GALNT17: variants seen among roughly 807,000 people sequenced by gnomAD.
The protein encoded by GALNT17 is UDP-GalNAc:polypeptide N-acetylgalactosaminyltransferase-like 3.
In GALNT17, 29 loss-of-function variants were observed where a neutral mutation model predicts 63.7. That is an observed-to-expected ratio of 0.46 (90% CI 0.34 to 0.62). GALNT17 has a LOEUF of 0.62. GALNT17 is among the 20% of genes least tolerant of loss of function. GALNT17 has a pLI of 0.01. For missense variants in GALNT17, 603 were observed against 799.6 expected, an observed-to-expected ratio of 0.75 and a Z score of 2.97; for synonymous variants, 305 against 318.3, an observed-to-expected ratio of 0.96 and a Z score of 0.45.
intron 1 of GALNT17, among the ~76,000 whole-genome samples, chr7:71,185,228 C>A (rs1008718730): frequency 6.8e-6 from 1 of 147,384 alleles, no homozygotes; most frequent in Non-Finnish European, 1.5e-5. Context: ...TTTCTTCAGA[C>A]AGGGTCTCTC....
At chr7:71,249,132 A>G (rs1790152462) in intron 1 of GALNT17, among the ~76,000 whole-genome samples, 1 of 152,196 alleles carries the variant, frequency 6.6e-6, no homozygotes, top group Non-Finnish European at 1.5e-5. Context: ...TGGTGAGCAA[A>G]ACTCACAGCC....
At chr7:71,594,905 C>T (rs1041347179) in intron 6 of GALNT17, among the ~76,000 whole-genome samples, 3 of 152,170 alleles carry the variant, frequency 2.0e-5, no homozygotes, top group African/African-American at 7.2e-5. Flanking sequence ...TGCTTGTGGA[C>T]ATGACCTTAT....
At chr7:71,442,192 T>C (rs1787079249) in intron 5 of GALNT17, among the ~76,000 whole-genome samples, 2 of 147,622 alleles carry the variant, frequency 1.4e-5, no homozygotes, top group Admixed American at 1.3e-4. Context: ...TGCAGAAGTG[T>C]TTTTTTTGTT....
intron 1 of GALNT17, among the ~76,000 whole-genome samples, chr7:71,232,682 C>G (rs1238089510): frequency 6.6e-6 from 1 of 152,130 alleles, no homozygotes; most frequent in Non-Finnish European, 1.5e-5. Flanking sequence ...CAGGGCTGCC[C>G]CATAGGCAGT....
At chr7:71,562,749 G>A (rs1789276568) in intron 5 of GALNT17, among the ~76,000 whole-genome samples, 3 of 152,166 alleles carry the variant, frequency 2.0e-5, no homozygotes, top group Non-Finnish European at 2.9e-5. Flanking sequence ...CCATCAACTG[G>A]TGCTGGTCCA....
intron 5 of GALNT17, among the ~76,000 whole-genome samples, chr7:71,497,165 G>C (rs956674105): frequency 2.0e-5 from 3 of 152,170 alleles, no homozygotes; most frequent in African/African-American, 7.2e-5. Context: ...TCCTCTAACT[G>C]GGAGCCAGGA....
At chr7:71,232,074 T>C (rs1271719666) in intron 1 of GALNT17, among the ~76,000 whole-genome samples, 1 of 152,058 alleles carries the variant, frequency 6.6e-6, no homozygotes, top group East Asian at 1.9e-4. Flanking sequence ...TTTGGAGAAT[T>C]CTAGGATTGC....
At chr7:71,578,373 T>A (rs1007084147) in intron 6 of GALNT17, among the ~76,000 whole-genome samples, 1 of 151,952 alleles carries the variant, frequency 6.6e-6, no homozygotes, top group Non-Finnish European at 1.5e-5. Context: ...CTCACTGTCA[T>A]CTAAGCTGGA....
intron 5 of GALNT17, among the ~76,000 whole-genome samples, chr7:71,470,541 C>G (rs1004935010): frequency 2.0e-5 from 3 of 152,048 alleles, no homozygotes; most frequent in Admixed American, 2.0e-4. Flanking sequence ...GTAAACTGCT[C>G]ACTTTTAGAA....
At chr7:71,586,082 A>T (rs896742632) in intron 6 of GALNT17, among the ~76,000 whole-genome samples, 1 of 151,798 alleles carries the variant, frequency 6.6e-6, no homozygotes, top group Non-Finnish European at 1.5e-5. Flanking sequence ...TAATTTTTGT[A>T]TTTTAGTGTA....
At chr7:71,244,761 C>A (rs1197700384) in intron 1 of GALNT17, among the ~76,000 whole-genome samples, 1 of 151,974 alleles carries the variant, frequency 6.6e-6, no homozygotes. Flanking sequence ...CCAGCCTGGG[C>A]AACATAGTGA....
chr7:71,196,885 C>T (rs191049490), intron 1 of GALNT17, among the ~76,000 whole-genome samples: 1 of 152,160 alleles, frequency 6.6e-6, no homozygotes, highest in African/African-American at 2.4e-5. Flanking sequence ...AACTCCTGAC[C>T]TCAAGTGATC....
At chr7:71,238,063 A>C (rs1018126519) in intron 1 of GALNT17, among the ~76,000 whole-genome samples, 1 of 152,182 alleles carries the variant, frequency 6.6e-6, no homozygotes, top group Non-Finnish European at 1.5e-5. Context: ...TGAGTCTCCC[A>C]CTAATCCACT....
chr7:71,305,472 C>G (rs1013322851), intron 1 of GALNT17, among the ~76,000 whole-genome samples: 1 of 152,156 alleles, frequency 6.6e-6, no homozygotes, highest in South Asian at 2.1e-4. Context: ...GATTCAGTCC[C>G]GGAAATTCAG....
At chr7:71,609,955 A>G (rs772677897) in intron 6 of GALNT17, among the ~76,000 whole-genome samples, 1 of 152,122 alleles carries the variant, frequency 6.6e-6, no homozygotes, top group Non-Finnish European at 1.5e-5. Flanking sequence ...GAATGAACAC[A>G]TATAATTAAT....
chr7:71,486,755 C>T (rs1392535941), intron 5 of GALNT17, among the ~76,000 whole-genome samples: 1 of 151,402 alleles, frequency 6.6e-6, no homozygotes, highest in Admixed American at 6.6e-5. Context: ...TCCACCTACT[C>T]AGGAGGCTGA....
rs184897306 is a variant in GALNT17 at position 71,331,761 on chromosome 7, G to A, written c.239-3789G>A. On this transcript the variant is annotated intron_variant, in intron 1 of 10. Transcript: ENST00000333538. ...CTACATTCTCAGACCCAGTGTCCTC[G>A]TTTGTGAAACAGAGATTGTAATAAT... 5.6e-3 allele frequency among the ~76,000 whole-genome samples: 859 copies of A among 152,104 alleles called. 11 individuals carry two copies. The highest frequency in any genetic ancestry group is 0.018 in the African/African-American group (764 of 41,488).
At chr7:71,171,059 G>A (rs932239997) in intron 1 of GALNT17, among the ~76,000 whole-genome samples, 2 of 152,014 alleles carry the variant, frequency 1.3e-5, no homozygotes, top group African/African-American at 2.4e-5. Context: ...CAGGACAAGG[G>A]TAAAAATTTA....
At chr7:71,146,007 G>A (rs1005806318) in intron 1 of GALNT17, among the ~76,000 whole-genome samples, 7 of 152,008 alleles carry the variant, frequency 4.6e-5, no homozygotes, top group East Asian at 1.9e-4. Flanking sequence ...TACGGGGCCC[G>A]TATGGGTTTT....
Sources: allele counts gnomAD v4.1 joint callset (sites outside exome capture counted in the v4.1 genomes callset), GRCh38; gene constraint gnomAD v4.1.1; transcripts MANE v1.5; gene names NCBI Gene and HGNC (gene_info 2026-07-23, HGNC 2026-07-21).